Variants in RSPH6A observed in about 807,000 individuals in gnomAD.
RSPH6A encodes radial spoke head 6 homolog A.
RSPH6A carries 49 observed loss-of-function variants against 66.1 expected under a neutral mutation model. That is an observed-to-expected ratio of 0.74 (90% CI 0.59 to 0.94). The LOEUF (loss-of-function observed/expected upper bound fraction) is 0.94, where lower values mean the gene tolerates loss of function less well. Ranked by LOEUF, RSPH6A falls within the 40% of genes least tolerant of loss-of-function variation. The pLI is 0.00. For synonymous variants in RSPH6A, 419 were observed against 402.4 expected, an observed-to-expected ratio of 1.04 and a Z score of -0.49; for missense variants, 977 against 948.3, an observed-to-expected ratio of 1.03 and a Z score of -0.40.
In RSPH6A at chr19:45,815,229, C is replaced by T. The variant is rs890418815; in HGVS notation, c.-53G>A. 58 of 1,474,108 alleles carry T rather than the reference C, an allele frequency of 3.9e-5. No homozygotes were observed. Among genetic ancestry groups the T allele is most frequent in the Non-Finnish European group, 7.2e-6 (8 of 1,114,358 alleles). The allele number at this position is 1,474,108 out of a possible 1,614,324, so 91.3% of individuals were successfully genotyped here. A position where few individuals can be genotyped will look rare whatever the true frequency, so the allele number is the denominator to read the frequency against. On this transcript the variant is annotated 5_prime_UTR_variant, in exon 1 of 6. Coordinates refer to ENST00000221538, the MANE Select transcript of RSPH6A (RefSeq NM_030785.4). ...GAGAAAGGCTTGCAGACAAGGAGGC[C>T]AAGCGAGAGCCACCTGTCGACACCG...
At position 45,800,774 on chromosome 19, in the gene RSPH6A, A is replaced by ACACT. The variant is rs1491172653; in HGVS notation, c.1799-212_1799-211insAGTG. On this transcript the variant is annotated intron_variant, in intron 4 of 5. Coordinates refer to ENST00000221538, the MANE Select transcript of RSPH6A (RefSeq NM_030785.4). ...CACACACACACACACACACACACAC[A>ACACT]CTCTCTCTCTCTCTCTCGCTCTCTT... is the stretch of plus-strand genomic sequence containing the variant. 4.6e-3 allele frequency among the ~76,000 whole-genome samples: 488 copies of ACACT among 105,060 alleles called. 3 individuals carry two copies. The highest frequency in any genetic ancestry group is 0.015 in the African/African-American group (392 of 25,830). The allele number at this position is 105,060 out of a possible 152,430, so 68.9% of individuals were successfully genotyped here.
chr19:45,814,408 T>TA (rs1460060545), intron 1 of RSPH6A, 119 bp downstream of exon 1: 9 of 902,446 alleles, frequency 1.0e-5, no homozygotes, highest in African/African-American at 8.4e-5. Flanking sequence ...TCAGCTGAAT[T>TA]AGAGTCACTG....
At chr19:45,802,980 G>A (rs1422098007) in intron 3 of RSPH6A, among the ~76,000 whole-genome samples, 2 of 151,168 alleles carry the variant, frequency 1.3e-5, no homozygotes, top group Non-Finnish European at 3.0e-5. Context: ...AGGCTGAGGC[G>A]GGCGGATCAC....
rs200521659 is a variant in RSPH6A, at chr19:45,804,823, T to G, written c.1082A>C (p.Glu361Ala). The G allele has an allele frequency of 6.2e-7, 1 of 1,614,104 alleles. No homozygotes were observed. The change falls in exon 3 of 6, where the codon GAA becomes GCA. Residue 361 changes from glutamate to alanine, a missense_variant. Physicochemically the swap from Glu to Ala is moderately radical, Grantham distance 107. Transcript: ENST00000221538. The surrounding 1 kb of genome is among the most constrained non-coding windows in gnomAD (Gnocchi z 5.8). ...IKRSYLVAEV[E>A]FREGEEEAEE... The stretch of plus-strand genomic sequence containing the variant: ...TGCCTCCTCCTCGCCCTCCCGGAAT[T>G]CCACCTCGGCCACCAGGTAGCTGCG...
At chr19:45,800,797 CTTTT>C (rs58407168) in intron 4 of RSPH6A, among the ~76,000 whole-genome samples, 44,085 of 137,834 alleles carry the variant, frequency 0.32, 7,079 homozygotes, top group Non-Finnish European at 0.35. Context: ...CTCTCGCTCT[CTTTT>C]TTTTTTTTTT....
chr19:45,800,060 C>T (rs1970451172), intron 5 of RSPH6A, among the ~76,000 whole-genome samples: 1 of 152,030 alleles, frequency 6.6e-6, no homozygotes, highest in Non-Finnish European at 1.5e-5. Context: ...TCAAACAAAA[C>T]AAAACAAAAC....
At chr19:45,807,613 C>T (rs1432853411) in intron 2 of RSPH6A, among the ~76,000 whole-genome samples, 2 of 152,174 alleles carry the variant, frequency 1.3e-5, no homozygotes, top group African/African-American at 2.4e-5. Context: ...AGGATTCAAG[C>T]GATTCTTCTG....
At chr19:45,800,826 G>A (rs960032067) in intron 4 of RSPH6A, among the ~76,000 whole-genome samples, 2 of 141,148 alleles carry the variant, frequency 1.4e-5, no homozygotes, top group Admixed American at 7.4e-5. Context: ...ACAGAGTCTC[G>A]TCGCTTTGTC....
chr19:45,806,319 AAGAC>A (rs991980711), intron 2 of RSPH6A, among the ~76,000 whole-genome samples: 4 of 151,968 alleles, frequency 2.6e-5, no homozygotes, highest in South Asian at 2.1e-4. Context: ...AAGAAAGAGA[AAGAC>A]AGAAAGACAG....
rs1041760896 is a variant in RSPH6A, at chr19:45,813,516, G to T, written c.650+1011C>A. 3.3e-5 allele frequency among the ~76,000 whole-genome samples: 5 copies of T among 151,886 alleles called. No individual in the cohort carries two copies. The South Asian group carries it at 1.0e-3, about 32-fold the overall frequency. ...ATGCTACCATGCCCTGATAATTTTTGTATTTTTTAGTAGAGACAGGGTTTC... is the reference window on the plus strand; with the variant it reads ...ATGCTACCATGCCCTGATAATTTTTTTATTTTTTAGTAGAGACAGGGTTTC... On this transcript the variant is annotated intron_variant, in intron 1 of 5. Transcript: ENST00000221538.
chr19:45,804,406 TAGA>T lies in RSPH6A; in HGVS notation c.1496_1498del (p.Phe499del). 3.7e-6 allele frequency: 6 copies of T among 1,613,928 alleles called. No individual in the cohort carries two copies. The highest frequency in any genetic ancestry group is 4.2e-6 in the Non-Finnish European group (5 of 1,179,958). ...GTCGCCCTCCTCCTCACTAAACTGG[TAGA>T]AGCCCAGCGGGCTGACCTGCGTGGC... is the stretch of plus-strand genomic sequence containing the variant. On this transcript the variant is annotated inframe_deletion, in exon 3 of 6. Transcript: ENST00000221538. The surrounding 1 kb of genome is among the most constrained non-coding windows in gnomAD (Gnocchi z 5.8).
In RSPH6A at chr19:45,804,155, G is replaced by T; in HGVS notation, c.1653+97C>A. ...ATGAATGAACGAATGAATATTAGTTGCCCAGCAGAGAGTAAGAGCTTGATG... is the reference window on the plus strand; with the variant it reads ...ATGAATGAACGAATGAATATTAGTTTCCCAGCAGAGAGTAAGAGCTTGATG... On this transcript the variant is annotated intron_variant, in intron 3 of 5. Coordinates refer to ENST00000221538, the MANE Select transcript of RSPH6A (RefSeq NM_030785.4). The surrounding 1 kb of genome is among the most constrained non-coding windows in gnomAD (Gnocchi z 5.8). 1.1e-6 allele frequency: 1 copy of T among 910,008 alleles called. No individual in the cohort carries two copies. Among genetic ancestry groups the T allele is most frequent in the Non-Finnish European group, 1.7e-6 (1 of 600,762 alleles). 56.4% of individuals were successfully genotyped at this position (910,008 alleles called of 1,614,324 possible).
rs1201334250 is a variant in RSPH6A, at chr19:45,804,957, G to T, written c.948C>A (p.Val316=). Reference sequence around the variant, plus strand: ...GGAAGCTCTCGTCCGAGCTCAGGCCGACGCCGGCCTGCTCGAAGTAGAAGG... The same window carrying T: ...GGAAGCTCTCGTCCGAGCTCAGGCCTACGCCGGCCTGCTCGAAGTAGAAGG... ...ETAFYFEQAG[V]GLSSDESFRI... Residue 316 remains valine (V), a synonymous_variant, in exon 3 of 6, where the codon GTC becomes GTA. Coordinates refer to ENST00000221538, the MANE Select transcript of RSPH6A (RefSeq NM_030785.4). The surrounding 1 kb of genome is among the most constrained non-coding windows in gnomAD (Gnocchi z 5.8). 7 of 1,614,076 alleles carry T rather than the reference G, an allele frequency of 4.3e-6. No homozygotes were observed. Among genetic ancestry groups the T allele is most frequent in the Non-Finnish European group, 4.2e-6 (5 of 1,180,024 alleles).
rs1028847309 is a variant in RSPH6A at position 45,804,374 on chromosome 19, C to T, written c.1531G>A (p.Glu511Lys). The T allele has an allele frequency of 3.1e-6, 5 of 1,614,242 alleles. No individual in the cohort carries two copies. The Admixed American group carries it at 6.7e-5, about 22-fold the overall frequency. ...GAGTCGCGCCCAGCACCACCTTCCTCCTCCTCGTCGCCCTCCTCCTCACTA... is the reference window on the plus strand; with the variant it reads ...GAGTCGCGCCCAGCACCACCTTCCTTCTCCTCGTCGCCCTCCTCCTCACTA... ...QFSEEEGDEEEEGGAGRDSYE... is the reference protein window; with the variant it reads ...QFSEEEGDEEKEGGAGRDSYE... Residue 511 changes from glutamate to lysine, a missense_variant, in exon 3 of 6, where the codon GAG becomes AAG. Coordinates refer to ENST00000221538, the MANE Select transcript of RSPH6A (RefSeq NM_030785.4). This position sits in a 1 kb window ranked among gnomAD's most constrained non-coding sequence, Gnocchi z 5.8.
At chr19:45,814,419 G>T in intron 1 of RSPH6A, 108 bp downstream of exon 1, 1 of 1,048,066 alleles carries the variant, frequency 9.5e-7, no homozygotes, top group Non-Finnish European at 1.3e-6. Context: ...AGAGTCACTG[G>T]TTTTCCATGA....
In RSPH6A at chr19:45,802,113, T is replaced by C; in HGVS notation, c.1798+7A>G. On this transcript the variant is annotated splice_region_variant and intron_variant, in intron 4 of 5. Coordinates refer to ENST00000221538, the MANE Select transcript of RSPH6A (RefSeq NM_030785.4). ...CAGTGGTGTACAGGCTGAGAGGGCT[T>C]CCTTACCTGCATCTTCTGAAAGTGG... 1 of 1,514,174 alleles carries C rather than the reference T, an allele frequency of 6.6e-7. No homozygotes were observed. The highest frequency in any genetic ancestry group is 8.9e-7 in the Non-Finnish European group (1 of 1,120,752). The allele number at this position is 1,514,174 out of a possible 1,614,324, so 93.8% of individuals were successfully genotyped here. A position where few individuals can be genotyped will look rare whatever the true frequency, so the allele number is the denominator to read the frequency against.
At chr19:45,799,845 G>A (rs1175831466) in intron 5 of RSPH6A, among the ~76,000 whole-genome samples, 3 of 152,198 alleles carry the variant, frequency 2.0e-5, no homozygotes, top group Non-Finnish European at 4.4e-5. Flanking sequence ...TCAGGAGTCT[G>A]AGACCAGCCT....
chr19:45,796,208 C>T (rs1970407849), intron 5 of RSPH6A, 102 bp from the exon 6 acceptor site: 4 of 904,364 alleles, frequency 4.4e-6, no homozygotes, highest in Admixed American at 5.8e-5. Flanking sequence ...TTGCCTAGTG[C>T]AGTGGTGTGA....
rs771705288 is a variant in RSPH6A at position 45,804,425 on chromosome 19, CCTGCGTGG to C, written c.1472_1479del (p.Ala491GlyfsTer10). 3.1e-6 allele frequency: 5 copies of C among 1,614,022 alleles called. No individual in the cohort carries two copies. The highest frequency in any genetic ancestry group is 4.2e-6 in the Non-Finnish European group (5 of 1,180,034). On this transcript the variant is annotated frameshift_variant, in exon 3 of 6. Transcript: ENST00000221538. LOFTEE classifies it high-confidence loss of function. The surrounding 1 kb of genome is among the most constrained non-coding windows in gnomAD (Gnocchi z 5.8). ...AACTGGTAGAAGCCCAGCGGGCTGACCTGCGTGGCGGCCGAGATGCGGGCTATCTGGGC... is the reference window on the plus strand; with the variant it reads ...AACTGGTAGAAGCCCAGCGGGCTGACCGGCCGAGATGCGGGCTATCTGGGC...
Sources: gnomAD v4.1 joint callset for allele counts (sites outside exome capture counted in the v4.1 genomes callset) on GRCh38, gnomAD v4.1.1 for gene constraint, Gnocchi (gnomAD v3.1) non-coding constraint, MANE v1.5 for transcripts, NCBI Gene and HGNC (gene_info 2026-07-23, HGNC 2026-07-21) for gene names.